FRMPD3: variants seen among roughly 807,000 people sequenced by gnomAD.
FRMPD3 encodes the protein FERM and PDZ domain containing 3, also known as FERM and PDZ domain-containing protein 3.
FRMPD3 carries 42 observed loss-of-function variants against 97.9 expected under a neutral mutation model. The ratio of observed to expected loss-of-function variants is 0.43; its 90% CI spans 0.34 to 0.55. The LOEUF (loss-of-function observed/expected upper bound fraction) is 0.55. Ranked by LOEUF, FRMPD3 falls within the 20% of genes least tolerant of loss-of-function variation. The probability of loss-of-function intolerance (pLI) is 0.03; values close to 1 mark genes in which losing one functional copy is unlikely to be tolerated. For synonymous variants in FRMPD3, 577 were observed against 581.1 expected (o/e 0.99, Z 0.10); for missense variants, 1,303 against 1,457.7 (o/e 0.89, Z 1.73).
intron 1 of FRMPD3, among the ~76,000 whole-genome samples, chrX:107,477,624 C>T (rs1161359885): frequency 1.8e-5 from 2 of 112,432 alleles, no homozygotes; most frequent in African/African-American, 3.2e-5. Context: ...GATGAATTTA[C>T]GAGATTGATT....
intron 1 of FRMPD3, among the ~76,000 whole-genome samples, chrX:107,503,396 TG>T (rs1334189076): frequency 8.9e-6 from 1 of 111,792 alleles, no homozygotes; most frequent in Non-Finnish European, 1.9e-5. Flanking sequence ...TCTTGATATA[TG>T]GGGGAAACTG....
At chrX:107,575,777 AG>A (rs1347102891) in intron 12 of FRMPD3, among the ~76,000 whole-genome samples, 1 of 112,492 alleles carries the variant, frequency 8.9e-6, no homozygotes, top group Non-Finnish European at 1.9e-5. Context: ...GCAGAGCTGC[AG>A]GCCAGAAAGA....
intron 4 of FRMPD3, among the ~76,000 whole-genome samples, chrX:107,538,856 G>A (rs1308285023): frequency 8.9e-6 from 1 of 111,843 alleles, no homozygotes; most frequent in African/African-American, 3.2e-5. Flanking sequence ...ACGATGTTTC[G>A]CCATGTTGGC....
chrX:107,461,975 T>A (rs1211380906), intron 1 of FRMPD3, among the ~76,000 whole-genome samples: 1 of 108,633 alleles, frequency 9.2e-6, no homozygotes, highest in African/African-American at 3.4e-5. Context: ...CAGCCTGCAG[T>A]GGCCCCCTTT....
At chrX:107,600,193 C>A in intron 14 of FRMPD3, 110 bp from the exon 15 acceptor site, 1 of 1,012,729 alleles carries the variant, frequency 9.9e-7, no homozygotes, top group Non-Finnish European at 1.3e-6. Context: ...GTTTTGGAAT[C>A]TTCAGGAGTC....
intron 1 of FRMPD3, among the ~76,000 whole-genome samples, chrX:107,480,737 G>A (rs935200685): frequency 9.4e-6 from 1 of 105,956 alleles, no homozygotes; most frequent in Non-Finnish European, 1.9e-5. Flanking sequence ...GCTGAGGCAG[G>A]AGAATTGCTT....
At chrX:107,461,353 C>T (rs1602750359) in intron 1 of FRMPD3, among the ~76,000 whole-genome samples, 1 of 111,304 alleles carries the variant, frequency 9.0e-6, no homozygotes, top group East Asian at 2.8e-4. Flanking sequence ...CTATCAATGA[C>T]ACCATCACTC....
chrX:107,474,281 G>C (rs1206975822), intron 1 of FRMPD3, among the ~76,000 whole-genome samples: 1 of 111,708 alleles, frequency 9.0e-6, no homozygotes, highest in Non-Finnish European at 1.9e-5. Context: ...AGAAGGAAGA[G>C]CTTGAAACCC....
At chrX:107,575,676 C>A (rs1175715007) in intron 12 of FRMPD3, among the ~76,000 whole-genome samples, 1 of 112,031 alleles carries the variant, frequency 8.9e-6, no homozygotes, top group Non-Finnish European at 1.9e-5. Flanking sequence ...GTCTCGAACC[C>A]CTGACCTCAG....
At chrX:107,565,366 G>A (rs1053677151) in intron 12 of FRMPD3, among the ~76,000 whole-genome samples, 1 of 111,750 alleles carries the variant, frequency 8.9e-6, no homozygotes, top group Admixed American at 9.5e-5. Flanking sequence ...CCAGACCACT[G>A]CTTCCCATTT....
In FRMPD3 at chrX:107,527,645, C is replaced by T. The variant is rs12393285; in HGVS notation, c.148+909C>T. Among the ~76,000 whole-genome samples, 831 of 112,516 alleles carry T rather than the reference C, an allele frequency of 7.4e-3. 8 individuals are homozygous for T. The highest frequency in any genetic ancestry group is 0.026 in the African/African-American group (800 of 30,954). Reference sequence around the variant, plus strand: ...GCTAGGCATTGACAAAAAAGACAGACGGAATGGAGCTTTATTCCTGACTTG... The same window carrying T: ...GCTAGGCATTGACAAAAAAGACAGATGGAATGGAGCTTTATTCCTGACTTG... On this transcript the variant is annotated intron_variant, in intron 2 of 14. Transcript: ENST00000683843.
At position 107,550,031 on chromosome X, in the gene FRMPD3, T is replaced by C; in HGVS notation, c.403-18T>C. ...CTAAATGAGCCGGTCTCCTTGTCCTTTCCCTGCTTGTTCACAGAAAATGAT... is the reference window on the plus strand; with the variant it reads ...CTAAATGAGCCGGTCTCCTTGTCCTCTCCCTGCTTGTTCACAGAAAATGAT... On this transcript the variant is annotated intron_variant, in intron 5 of 14. Coordinates refer to ENST00000683843, the MANE Select transcript of FRMPD3 (RefSeq NM_001388459.1). The C allele has an allele frequency of 9.2e-7, 1 of 1,088,790 alleles. No homozygotes were observed. The highest frequency in any genetic ancestry group is 1.9e-5 in the South Asian group (1 of 52,685). 89.7% of individuals were successfully genotyped at this position (1,088,790 alleles called of 1,213,427 possible).
chrX:107,489,426 G>A (rs1921596436), intron 1 of FRMPD3, among the ~76,000 whole-genome samples: 1 of 111,668 alleles, frequency 9.0e-6, no homozygotes, highest in African/African-American at 3.3e-5. Flanking sequence ...CTTCCACAAT[G>A]GTTGAAAGAG....
At chrX:107,521,531 C>G (rs1922506486) in intron 1 of FRMPD3, among the ~76,000 whole-genome samples, 1 of 112,815 alleles carries the variant, frequency 8.9e-6, no homozygotes, top group Non-Finnish European at 1.9e-5. Flanking sequence ...GCAAGTACTC[C>G]TTTACAGGAA....
intron 4 of FRMPD3, among the ~76,000 whole-genome samples, chrX:107,536,809 T>A (rs930127591): frequency 3.6e-5 from 4 of 111,960 alleles, no homozygotes; most frequent in African/African-American, 1.3e-4. Flanking sequence ...ATGTTTATTG[T>A]CTCTGTCCCT....
intron 6 of FRMPD3, among the ~76,000 whole-genome samples, chrX:107,551,922 G>A (rs1921882596): frequency 8.9e-6 from 1 of 112,304 alleles, no homozygotes; most frequent in Non-Finnish European, 1.9e-5. Context: ...TCATTGAGGG[G>A]CTTGTTTGGC....
intron 13 of FRMPD3, among the ~76,000 whole-genome samples, chrX:107,593,167 C>T (rs1160004316): frequency 9.0e-6 from 1 of 111,309 alleles, no homozygotes; most frequent in East Asian, 2.8e-4. Context: ...ACATTTTTCC[C>T]TATGCTCGGC....
chrX:107,530,736 G>T (rs1398678201), intron 3 of FRMPD3, among the ~76,000 whole-genome samples: 1 of 111,076 alleles, frequency 9.0e-6, no homozygotes, highest in Non-Finnish European at 1.9e-5. Flanking sequence ...GTGAACAGAC[G>T]CAAAGAACTC....
chrX:107,535,258 A>G (rs1476212803), intron 4 of FRMPD3, among the ~76,000 whole-genome samples: 2 of 112,354 alleles, frequency 1.8e-5, no homozygotes, highest in Admixed American at 1.9e-4. Context: ...GAGCTGAAAT[A>G]TTATATTTTT....
Sources: allele counts gnomAD v4.1 joint callset (sites outside exome capture counted in the v4.1 genomes callset), GRCh38; gene constraint gnomAD v4.1.1; transcripts MANE v1.5; gene names NCBI Gene and HGNC (gene_info 2026-07-23, HGNC 2026-07-21).